Variants in ANKRD44 observed in about 807,000 individuals in gnomAD.
ANKRD44 encodes the protein ankyrin repeat domain 44.
A neutral mutation model predicts 116.0 loss-of-function variants in ANKRD44; 35 were observed. That is an observed-to-expected ratio of 0.30 (90% CI 0.23 to 0.40). The LOEUF (loss-of-function observed/expected upper bound fraction) is 0.40. Ranked by LOEUF, ANKRD44 falls within the 10% of genes least tolerant of loss-of-function variation. ANKRD44 has a pLI of 1.00. For missense variants in ANKRD44, 1,014 were observed against 1,242.6 expected (o/e 0.82, Z 2.77); for synonymous variants, 435 against 461.8 (o/e 0.94, Z 0.74).
intron 16 of ANKRD44, among the ~76,000 whole-genome samples, chr2:197,062,307 T>C (rs1011031836): frequency 6.6e-6 from 1 of 152,222 alleles, no homozygotes; most frequent in Non-Finnish European, 1.5e-5. Flanking sequence ...GACTCCTGGA[T>C]GGGTCACCAA....
intron 17 of ANKRD44, chr2:197,015,716 ATGG>A: frequency 2.0e-6 from 1 of 500,490 alleles, no homozygotes; most frequent in Non-Finnish European, 3.7e-6. Flanking sequence ...GGCACCTATG[ATGG>A]TGGTCCTGGT....
At chr2:197,158,326 G>A (rs1368695360) in intron 2 of ANKRD44, among the ~76,000 whole-genome samples, 1 of 152,210 alleles carries the variant, frequency 6.6e-6, no homozygotes, top group Non-Finnish European at 1.5e-5. Flanking sequence ...TTGAACACAT[G>A]GTGGGAATGT....
chr2:197,256,246 G>A (rs1326092383), intron 1 of ANKRD44, among the ~76,000 whole-genome samples: 1 of 152,158 alleles, frequency 6.6e-6, no homozygotes. Context: ...AGTGGACCAG[G>A]CTCATTTCTA....
At chr2:196,986,421 C>T (rs1308918913), downstream of ANKRD44, among the ~76,000 whole-genome samples, 1 of 151,732 alleles carries the variant, frequency 6.6e-6, no homozygotes, top group African/African-American at 2.4e-5. Context: ...CAAAACAAAA[C>T]AAAACAAAAC....
chr2:197,310,609 C>G lies in ANKRD44; in HGVS notation c.-5G>C, dbSNP rs1247288796. The G allele has an allele frequency of 2.3e-6, 3 of 1,329,428 alleles. No individual in the cohort carries two copies. The highest frequency in any genetic ancestry group is 2.0e-6 in the Non-Finnish European group (2 of 1,015,780). 82.4% of individuals were successfully genotyped at this position (1,329,428 alleles called of 1,614,324 possible). A position where few individuals can be genotyped will look rare whatever the true frequency, so the allele number is the denominator to read the frequency against. On this transcript the variant is annotated 5_prime_UTR_variant, in exon 1 of 28. Transcript: ENST00000282272. ...GGTGAGTTTGAGCACTGCCATTCTT[C>G]CGCTCCTTCGCGCGCACACACATGC...
chr2:197,257,618 C>A (rs1440631509), intron 1 of ANKRD44, among the ~76,000 whole-genome samples: 1 of 152,092 alleles, frequency 6.6e-6, no homozygotes, highest in African/African-American at 2.4e-5. Flanking sequence ...AGGATAAATG[C>A]TTGAGGGGAT....
At chr2:197,307,682 T>G (rs947698200) in intron 1 of ANKRD44, among the ~76,000 whole-genome samples, 3 of 152,224 alleles carry the variant, frequency 2.0e-5, no homozygotes, top group Admixed American at 2.0e-4. Context: ...CAGGACTGAC[T>G]GCTGAAGTAG....
At chr2:197,183,954 C>T (rs755181928) in intron 2 of ANKRD44, among the ~76,000 whole-genome samples, 17 of 152,228 alleles carry the variant, frequency 1.1e-4, no homozygotes, top group Non-Finnish European at 2.2e-4. Context: ...CTTCTCCCTA[C>T]ATAGCATCCC....
Position 197,032,581 on chromosome 2 carries a change from G to T in ANKRD44, c.1651-7314C>A, listed in dbSNP as rs192810992. Among the ~76,000 whole-genome samples the T allele has an allele frequency of 2.0e-5, 3 of 152,086 alleles. No homozygotes were observed. The East Asian group carries it at 5.8e-4, about 29-fold the overall frequency. ...TTTTTTGTATTTTTAGTAGAGATGG[G>T]GTTTCACCATGTTAGCCAGGATAGT... is the stretch of plus-strand genomic sequence containing the variant. On this transcript the variant is annotated intron_variant, in intron 16 of 27. Transcript: ENST00000282272.
intron 1 of ANKRD44, among the ~76,000 whole-genome samples, chr2:197,191,493 A>G (rs1479292425): frequency 6.6e-6 from 1 of 152,220 alleles, no homozygotes; most frequent in East Asian, 1.9e-4. Context: ...CCCTATCGGC[A>G]CATCCAATAA....
At chr2:197,267,052 A>C (rs2082759995) in intron 1 of ANKRD44, among the ~76,000 whole-genome samples, 2 of 150,480 alleles carry the variant, frequency 1.3e-5, no homozygotes, top group African/African-American at 4.9e-5. Context: ...GGCATTCATT[A>C]AATATTAGAT....
intron 27 of ANKRD44, among the ~76,000 whole-genome samples, chr2:196,991,573 G>A (rs2075916883): frequency 6.6e-6 from 1 of 152,068 alleles, no homozygotes; most frequent in African/African-American, 2.4e-5. Flanking sequence ...CAATCATTTA[G>A]GAGAAATTTA....
At chr2:197,295,839 C>T (rs776856415) in intron 1 of ANKRD44, among the ~76,000 whole-genome samples, 1 of 152,042 alleles carries the variant, frequency 6.6e-6, no homozygotes, top group Non-Finnish European at 1.5e-5. Context: ...GTGGGCAGAT[C>T]CCTTGAGTTC....
At chr2:197,055,675 T>C (rs1446675946) in intron 16 of ANKRD44, among the ~76,000 whole-genome samples, 1 of 152,228 alleles carries the variant, frequency 6.6e-6, no homozygotes, top group Non-Finnish European at 1.5e-5. Flanking sequence ...TAGCACTATT[T>C]GGTGAAAAGA....
intron 1 of ANKRD44, among the ~76,000 whole-genome samples, chr2:197,238,640 T>C (rs1287042283): frequency 1.3e-5 from 2 of 152,096 alleles, no homozygotes; most frequent in Non-Finnish European, 2.9e-5. Flanking sequence ...ACAAGGTCTA[T>C]AGAAGTTACC....
chr2:197,310,484 C>T, intron 1 of ANKRD44, 94 bp downstream of exon 1: 1 of 886,500 alleles, frequency 1.1e-6, no homozygotes, highest in Non-Finnish European at 1.3e-6. Context: ...GTAAACAGCT[C>T]GCGGGCGCGC....
intron 16 of ANKRD44, among the ~76,000 whole-genome samples, chr2:197,033,307 G>GTGGTGA (rs1412655035): frequency 6.6e-6 from 1 of 152,176 alleles, no homozygotes; most frequent in Non-Finnish European, 1.5e-5. Flanking sequence ...GATGGTGGTG[G>GTGGTGA]TGGTGATGGT....
At chr2:197,214,027 CAAAG>C (rs1268959949) in intron 1 of ANKRD44, among the ~76,000 whole-genome samples, 10 of 152,128 alleles carry the variant, frequency 6.6e-5, no homozygotes, top group African/African-American at 2.2e-4. Flanking sequence ...ACTTTGGAGA[CAAAG>C]AAAGAATAAG....
chr2:197,278,504 G>T (rs572602869), intron 1 of ANKRD44, among the ~76,000 whole-genome samples: 3 of 151,522 alleles, frequency 2.0e-5, no homozygotes, highest in Non-Finnish European at 4.4e-5. Flanking sequence ...CTACAGGCAC[G>T]CACCACCACG....
Sources: allele counts gnomAD v4.1 joint callset (sites outside exome capture counted in the v4.1 genomes callset), GRCh38; gene constraint gnomAD v4.1.1; transcripts MANE v1.5; gene names NCBI Gene and HGNC (gene_info 2026-07-23, HGNC 2026-07-21).